PTGER4: variants seen among roughly 807,000 people sequenced by gnomAD.
The protein encoded by PTGER4 is prostaglandin E receptor 4, also known as prostaglandin E2 receptor EP4 subtype.
A neutral mutation model predicts 33.2 loss-of-function variants in PTGER4; 11 were observed. That is an observed-to-expected ratio of 0.33 (90% CI 0.21 to 0.55). The LOEUF (loss-of-function observed/expected upper bound fraction) is 0.55, where lower values mean the gene tolerates loss of function less well. PTGER4 is among the 20% of genes least tolerant of loss of function. The pLI, the probability that PTGER4 is intolerant of heterozygous loss-of-function variation, is 0.92. For missense variants in PTGER4, 481 were observed against 650.2 expected, an observed-to-expected ratio of 0.74 and a Z score of 2.83; for synonymous variants, 275 against 281.5, an observed-to-expected ratio of 0.98 and a Z score of 0.23.
the PTGER4 span, among the ~76,000 whole-genome samples, chr5:40,724,821 A>G: frequency 6.6e-6 from 1 of 152,018 alleles, no homozygotes; most frequent in African/African-American, 2.4e-5. Context: ...CAATGTCTAC[A>G]GTAATTAACT....
At chr5:40,710,989 A>G in the PTGER4 span, among the ~76,000 whole-genome samples, 1 of 152,150 alleles carries the variant, frequency 6.6e-6, no homozygotes, top group East Asian at 1.9e-4. Context: ...TGATGAGTTA[A>G]TGGGTGCAGC....
chr5:40,738,652 T>G, the PTGER4 span, among the ~76,000 whole-genome samples: 1 of 151,842 alleles, frequency 6.6e-6, no homozygotes, highest in Non-Finnish European at 1.5e-5. Flanking sequence ...AAAGCTATTT[T>G]ACATTTTCAT....
chr5:40,702,595 G>A, the PTGER4 span, among the ~76,000 whole-genome samples: 1 of 152,198 alleles, frequency 6.6e-6, no homozygotes, highest in Admixed American at 6.5e-5. Context: ...GATAGTATTA[G>A]ACAGATCATC....
downstream of PTGER4, chr5:40,693,763 A>C: frequency 8.3e-6 from 8 of 962,756 alleles, no homozygotes; most frequent in Non-Finnish European, 9.9e-6. Context: ...CAGTTTGGGA[A>C]AACTTGTGGG....
chr5:40,694,420 A>C (rs1256351297), downstream of PTGER4, among the ~76,000 whole-genome samples: 5 of 148,756 alleles, frequency 3.4e-5, no homozygotes, highest in Non-Finnish European at 7.3e-5. Flanking sequence ...TAGTCAGCTA[A>C]GGCTGCCATA....
At chr5:40,746,721 A>T in the PTGER4 span, 1 of 1,047,410 alleles carries the variant, frequency 9.5e-7, no homozygotes, top group Non-Finnish European at 1.4e-6. Context: ...TCAAATTCAT[A>T]ACTCTTCATC....
At chr5:40,719,218 A>T in the PTGER4 span, among the ~76,000 whole-genome samples, 1 of 152,010 alleles carries the variant, frequency 6.6e-6, no homozygotes, top group Admixed American at 6.6e-5. Context: ...GTTACTCCTC[A>T]TTTCTCCCCA....
At chr5:40,725,978 G>C in the PTGER4 span, among the ~76,000 whole-genome samples, 4 of 151,412 alleles carry the variant, frequency 2.6e-5, no homozygotes, top group Non-Finnish European at 5.9e-5. Flanking sequence ...GTAGAGACGG[G>C]GTTTCACCGT....
chr5:40,701,482 G>GA, the PTGER4 span, among the ~76,000 whole-genome samples: 1,181 of 152,082 alleles, frequency 7.8e-3, 11 homozygotes, highest in African/African-American at 0.026. Context: ...CAAAAATAAA[G>GA]AAAAAAGAAT....
Position 40,680,656 on chromosome 5 carries a change from C to A in PTGER4, c.-44+178C>A, listed in dbSNP as rs891492310. On this transcript the variant is annotated intron_variant, in intron 1 of 2. Coordinates refer to ENST00000302472, the MANE Select transcript of PTGER4 (RefSeq NM_000958.3). This position sits in a 1 kb window ranked among gnomAD's most constrained non-coding sequence, Gnocchi z 5.5. ...AGAATAGCACTAGCGAGCTACTTTTCCCTTGAGATGGGTCTTATTCATCTT... is the reference window on the plus strand; with the variant it reads ...AGAATAGCACTAGCGAGCTACTTTTACCTTGAGATGGGTCTTATTCATCTT... Among the ~76,000 whole-genome samples, 1 of 152,220 alleles carries A rather than the reference C, an allele frequency of 6.6e-6. No homozygotes were observed. The highest frequency in any genetic ancestry group is 6.5e-5 in the Admixed American group (1 of 15,282).
the PTGER4 span, chr5:40,730,478 T>C: frequency 5.0e-6 from 3 of 600,302 alleles, no homozygotes; most frequent in Non-Finnish European, 8.7e-6. Flanking sequence ...AGGCATTAAG[T>C]AGCATTAAGT....
Position 40,691,429 on chromosome 5 carries a change from C to G in PTGER4, c.868-350C>G, listed in dbSNP as rs146917812. On this transcript the variant is annotated intron_variant, in intron 2 of 2. Transcript: ENST00000302472. This position sits in a 1 kb window ranked among gnomAD's most constrained non-coding sequence, Gnocchi z 4.2. ...TCTCTTGACCTAGTGATCCGCCTAC[C>G]TCGGCCTACCAAAATGCTGGGATTA... Among the ~76,000 whole-genome samples the G allele has an allele frequency of 0.063, 9,557 of 152,286 alleles. 549 individuals are homozygous for G. The highest frequency in any genetic ancestry group is 0.3 in the East Asian group (1,548 of 5,176).
chr5:40,741,721 G>A, the PTGER4 span, among the ~76,000 whole-genome samples: 1 of 152,182 alleles, frequency 6.6e-6, no homozygotes, highest in East Asian at 1.9e-4. Context: ...ACGCACGGTA[G>A]CTCACACCTG....
At chr5:40,696,453 A>T (rs1561133759), downstream of PTGER4, among the ~76,000 whole-genome samples, 1 of 152,098 alleles carries the variant, frequency 6.6e-6, no homozygotes. Flanking sequence ...ATAGAACCCA[A>T]AAAAACAAGA....
the PTGER4 span, among the ~76,000 whole-genome samples, chr5:40,704,479 G>C: frequency 1.3e-5 from 2 of 152,064 alleles, no homozygotes; most frequent in Non-Finnish European, 2.9e-5. Context: ...TGGAAGTCCA[G>C]GCCAGAGCAA....
rs1235258585 is a variant in PTGER4 at position 40,692,972 on chromosome 5, G to C, written c.*594G>C. The stretch of plus-strand genomic sequence containing the variant: ...TTAGATATTTTTCATAAACAAGTTC[G>C]AGTCAAAGTTGAAAATTCATAGTAA... On this transcript the variant is annotated 3_prime_UTR_variant, in exon 3 of 3. Coordinates refer to ENST00000302472, the MANE Select transcript of PTGER4 (RefSeq NM_000958.3). 2.1e-6 allele frequency: 2 copies of C among 948,216 alleles called. No homozygotes were observed. Among genetic ancestry groups the C allele is most frequent in the African/African-American group, 3.6e-5 (2 of 56,222 alleles). The allele number at this position is 948,216 out of a possible 1,614,324, so 58.7% of individuals were successfully genotyped here.
At chr5:40,721,161 CTG>C in the PTGER4 span, among the ~76,000 whole-genome samples, 1 of 152,176 alleles carries the variant, frequency 6.6e-6, no homozygotes, top group Non-Finnish European at 1.5e-5. Flanking sequence ...GGACTGGCTT[CTG>C]TCTTACCTGT....
chr5:40,730,022 A>T, the PTGER4 span, among the ~76,000 whole-genome samples: 2 of 152,154 alleles, frequency 1.3e-5, no homozygotes, highest in Non-Finnish European at 2.9e-5. Context: ...AAAGATAGCC[A>T]CCGATTCCTA....
the PTGER4 span, among the ~76,000 whole-genome samples, chr5:40,738,439 A>AATAC: frequency 8.3e-5 from 10 of 119,848 alleles, no homozygotes; most frequent in Non-Finnish European, 1.0e-4. Flanking sequence ...ATAAAATATA[A>AATAC]AATAAAATAC....
Sources: allele counts gnomAD v4.1 joint callset (sites outside exome capture counted in the v4.1 genomes callset), GRCh38; gene constraint gnomAD v4.1.1; non-coding constraint Gnocchi (gnomAD v3.1); transcripts MANE v1.5; gene names NCBI Gene and HGNC (gene_info 2026-07-23, HGNC 2026-07-21).